The following MRTFA variants were observed in gnomAD, a reference collection of about 807,000 sequenced individuals.
The protein encoded by MRTFA is myocardin related transcription factor A.
In MRTFA, 20 loss-of-function variants were observed where a neutral mutation model predicts 83.5. That is an observed-to-expected ratio of 0.24 (90% CI 0.17 to 0.35). The LOEUF (loss-of-function observed/expected upper bound fraction) is 0.35, where lower values mean the gene tolerates loss of function less well. MRTFA is among the 10% of genes least tolerant of loss of function. The pLI is 1.00. For missense variants in MRTFA, 1,200 were observed against 1,224.7 expected, an observed-to-expected ratio of 0.98 and a Z score of 0.30; for synonymous variants, 659 against 541.2, an observed-to-expected ratio of 1.22 and a Z score of -3.02.
intron 3 of MRTFA, among the ~76,000 whole-genome samples, chr22:40,465,955 G>A (rs979728677): frequency 6.6e-6 from 1 of 152,012 alleles, no homozygotes; most frequent in Non-Finnish European, 1.5e-5. Context: ...CCACTAATAA[G>A]AGGTAGAACA....
At chr22:40,633,148 G>A (rs1188537563) in intron 1 of MRTFA, among the ~76,000 whole-genome samples, 10 of 152,054 alleles carry the variant, frequency 6.6e-5, no homozygotes, top group Admixed American at 4.6e-4. Context: ...CCTGACCAAA[G>A]CTTTTTCTCA....
intron 3 of MRTFA, among the ~76,000 whole-genome samples, chr22:40,518,782 G>A (rs1314904503): frequency 9.1e-6 from 1 of 109,468 alleles, no homozygotes; most frequent in South Asian, 3.6e-4. Context: ...GCGACAGAGT[G>A]AGACTCTGTC....
chr22:40,633,113 C>T (rs1424379715), intron 1 of MRTFA, among the ~76,000 whole-genome samples: 1 of 152,160 alleles, frequency 6.6e-6, no homozygotes, highest in Non-Finnish European at 1.5e-5. Flanking sequence ...TCTCTTTTCT[C>T]TTTCAAAAAC....
chr22:40,597,303 G>A (rs1254884376), intron 1 of MRTFA, among the ~76,000 whole-genome samples: 1 of 152,192 alleles, frequency 6.6e-6, no homozygotes. Context: ...TCACGAATAC[G>A]TCTGCTACGT....
At chr22:40,479,461 G>C (rs2054052945) in intron 3 of MRTFA, among the ~76,000 whole-genome samples, 1 of 152,114 alleles carries the variant, frequency 6.6e-6, no homozygotes, top group African/African-American at 2.4e-5. Flanking sequence ...TCTCACGAGA[G>C]AGAGCTGTTT....
chr22:40,519,181 G>C (rs1398003554), intron 3 of MRTFA, among the ~76,000 whole-genome samples: 1 of 151,998 alleles, frequency 6.6e-6, no homozygotes, highest in Non-Finnish European at 1.5e-5. Context: ...CAATAAAAAA[G>C]ATGTGTCCAC....
At chr22:40,451,988 T>G (rs866798183) in intron 4 of MRTFA, among the ~76,000 whole-genome samples, 8 of 117,288 alleles carry the variant, frequency 6.8e-5, no homozygotes, top group South Asian at 3.1e-4. Context: ...TTTTTTTTTT[T>G]TTTTTTTTTT....
intron 2 of MRTFA, among the ~76,000 whole-genome samples, chr22:40,571,684 C>A (rs73169036): frequency 1.3e-5 from 2 of 151,296 alleles, no homozygotes; most frequent in Non-Finnish European, 2.9e-5. Context: ...TTTGAGAGGC[C>A]GAGGTAAGTC....
chr22:40,627,770 A>G (rs2056597802), intron 1 of MRTFA, among the ~76,000 whole-genome samples: 1 of 152,188 alleles, frequency 6.6e-6, no homozygotes, highest in South Asian at 2.1e-4. Context: ...CGTGAGGGCA[A>G]GAGTTCAAGA....
At chr22:40,548,358 C>CAAA (rs10664022) in intron 3 of MRTFA, among the ~76,000 whole-genome samples, 32,579 of 66,010 alleles carry the variant, frequency 0.49, 8,532 homozygotes, top group Admixed American at 0.6. Context: ...GACTCCGTCT[C>CAAA]AAAAAAAAAA....
intron 3 of MRTFA, among the ~76,000 whole-genome samples, chr22:40,492,792 C>A (rs2054291704): frequency 6.6e-6 from 1 of 152,168 alleles, no homozygotes; most frequent in South Asian, 2.1e-4. Flanking sequence ...GAAAAAAGTC[C>A]TATCACAGTA....
chr22:40,453,186 G>A (rs1169824154), intron 4 of MRTFA, among the ~76,000 whole-genome samples: 1 of 152,168 alleles, frequency 6.6e-6, no homozygotes, highest in Non-Finnish European at 1.5e-5. Flanking sequence ...TGGAAAACAT[G>A]TTTCACTGTG....
intron 13 of MRTFA, 42 bp downstream of exon 13, chr22:40,417,299 G>C (rs907887003): frequency 1.3e-6 from 2 of 1,595,390 alleles, no homozygotes; most frequent in Admixed American, 3.5e-5. Flanking sequence ...AGCAGCCTAG[G>C]GCAGCTGCCA....
chr22:40,605,425 G>A (rs929724329), intron 1 of MRTFA, among the ~76,000 whole-genome samples: 5 of 152,204 alleles, frequency 3.3e-5, no homozygotes, highest in African/African-American at 4.8e-5. Context: ...CAGTGCAGCC[G>A]ACTGAAGGGA....
chr22:40,514,052 T>C (rs986081442), intron 3 of MRTFA, among the ~76,000 whole-genome samples: 58 of 151,920 alleles, frequency 3.8e-4, no homozygotes, highest in African/African-American at 1.3e-3. Context: ...GGTGAAGAGA[T>C]AGAGAACAGA....
chr22:40,537,053 C>CG (rs2055194578), intron 3 of MRTFA, among the ~76,000 whole-genome samples: 1 of 352 alleles, frequency 2.8e-3, no homozygotes, highest in Non-Finnish European at 6.8e-3. Context: ...CCGCCCCGTC[C>CG]GGGAGGAGGT....
chr22:40,542,941 C>CTT (rs1252481931), intron 3 of MRTFA, among the ~76,000 whole-genome samples: 1 of 152,096 alleles, frequency 6.6e-6, no homozygotes, highest in Non-Finnish European at 1.5e-5. Context: ...TGGGCTTTTG[C>CTT]TTTTGTTTTG....
intron 2 of MRTFA, among the ~76,000 whole-genome samples, chr22:40,559,117 G>A (rs529366071): frequency 1.3e-5 from 2 of 152,136 alleles, no homozygotes; most frequent in Admixed American, 6.5e-5. Context: ...ACCCAGGCGC[G>A]ATGGCTCACA....
In MRTFA at chr22:40,524,389, A is replaced by T. The variant is rs539117841; in HGVS notation, c.241+27717T>A. ...CAAATCAGATTATTCTTACCCAACA[A>T]AAGCAAACAAAAAATTTAACGTGTT... On this transcript the variant is annotated intron_variant, in intron 3 of 14. Transcript: ENST00000355630. Among the ~76,000 whole-genome samples the T allele has an allele frequency of 2.0e-5, 3 of 152,326 alleles. No individual in the cohort carries two copies. The East Asian group carries it at 5.8e-4, about 29-fold the overall frequency.
Sources: gnomAD v4.1 joint callset for allele counts (sites outside exome capture counted in the v4.1 genomes callset) on GRCh38, gnomAD v4.1.1 for gene constraint, MANE v1.5 for transcripts, NCBI Gene and HGNC (gene_info 2026-07-23, HGNC 2026-07-21) for gene names.